EPHB6: variants seen among roughly 807,000 people sequenced by gnomAD.
The protein encoded by EPHB6 is EPH receptor B6.
EPHB6 carries 51 observed loss-of-function variants against 107.0 expected under a neutral mutation model. That is an observed-to-expected ratio of 0.48 (90% CI 0.38 to 0.60). EPHB6 has a LOEUF of 0.60. Ranked by LOEUF, EPHB6 falls within the 20% of genes least tolerant of loss-of-function variation. The pLI, the probability that EPHB6 is intolerant of heterozygous loss-of-function variation, is 0.00. For synonymous variants in EPHB6, 553 were observed against 549.0 expected, an observed-to-expected ratio of 1.01 and a Z score of -0.10; for missense variants, 1,141 against 1,355.5, an observed-to-expected ratio of 0.84 and a Z score of 2.48.
At position 142,863,808 on chromosome 7, in the gene EPHB6, C is replaced by G. The variant is rs1802973031; in HGVS notation, c.165+113C>G. 15 of 1,482,016 alleles carry G rather than the reference C, an allele frequency of 1.0e-5. 1 individual carries two copies. The East Asian group carries it at 3.4e-4, about 34-fold the overall frequency. 91.8% of individuals were successfully genotyped at this position (1,482,016 alleles called of 1,614,324 possible). A position where few individuals can be genotyped will look rare whatever the true frequency, so the allele number is the denominator to read the frequency against. On this transcript the variant is annotated intron_variant, in intron 6 of 19. Coordinates refer to ENST00000652003, the MANE Select transcript of EPHB6 (RefSeq NM_004445.6). ...GGTGAGGATTATGGGAAAAGGATCC[C>G]TCCCTCTAGAGCACCAAGATTTCAA...
In EPHB6 at chr7:142,868,273, A is replaced by C. The variant is rs2116466477; in HGVS notation, c.1951A>C (p.Thr651Pro). The change falls in exon 14 of 20, where the codon ACC becomes CCC. Residue 651 changes from threonine to proline, a missense_variant. By Grantham distance (38) the Thr-to-Pro change is conservative (BLOSUM62 -1). This residue lies in a region of EPHB6 where 616 missense variants were observed against 759.3 expected (regional missense o/e 0.81). Transcript: ENST00000652003. The surrounding 1 kb of genome is among the most constrained non-coding windows in gnomAD (Gnocchi z 4.2). ...LGVKYYIDPSTYEDPCQAIRE... is the reference protein window; with the variant it reads ...LGVKYYIDPSPYEDPCQAIRE... ...GGTGAAGTATTACATCGACCCCTCC[A>C]CCTACGAGGACCCCTGTCAGGCCAT... is the stretch of plus-strand genomic sequence containing the variant. The C allele has an allele frequency of 6.2e-7, 1 of 1,614,056 alleles. No individual in the cohort carries two copies. The highest frequency in any genetic ancestry group is 8.5e-7 in the Non-Finnish European group (1 of 1,179,994).
Position 142,866,450 on chromosome 7 carries a change from TC to T in EPHB6, c.1463-27del. 6.2e-7 allele frequency: 1 copy of T among 1,613,722 alleles called. No individual in the cohort carries two copies. The highest frequency in any genetic ancestry group is 8.5e-7 in the Non-Finnish European group (1 of 1,179,972). ...CTGATCCTGCTCCCAGGGACTCCTA[TC>T]CCCATAATAATTTTCCTTTTGCACT... On this transcript the variant is annotated intron_variant, in intron 9 of 19. Coordinates refer to ENST00000652003, the MANE Select transcript of EPHB6 (RefSeq NM_004445.6). This position sits in a 1 kb window ranked among gnomAD's most constrained non-coding sequence, Gnocchi z 5.2.
chr7:142,856,998 C>T (rs1332591633), intron 1 of EPHB6, among the ~76,000 whole-genome samples: 1 of 152,246 alleles, frequency 6.6e-6, no homozygotes. Flanking sequence ...CTTCCACAAC[C>T]TTCCACTTAC....
In EPHB6 at chr7:142,863,720, C is replaced by G. The variant is rs766128830; in HGVS notation, c.165+25C>G. On this transcript the variant is annotated intron_variant, in intron 6 of 19. Transcript: ENST00000652003. The stretch of plus-strand genomic sequence containing the variant: ...GGTGAGTGCCACTCTAATTCTGAAC[C>G]TGAATCCCTTGGCCCTGCCCCTCCC... 31 of 1,611,724 alleles carry G rather than the reference C, an allele frequency of 1.9e-5. No homozygotes were observed. The Admixed American group carries it at 5.0e-4, about 26-fold the overall frequency.
chr7:142,867,075 G>C lies in EPHB6; in HGVS notation c.1750+7G>C, dbSNP rs757169289. 6.2e-7 allele frequency: 1 copy of C among 1,611,764 alleles called. No homozygotes were observed. Among genetic ancestry groups the C allele is most frequent in the Admixed American group, 1.7e-5 (1 of 60,014 alleles). ...TTCCAGACACTTCCTCAAGGTGAGC[G>C]GGGGTCAAGGGCCAGATGGGCAGGT... On this transcript the variant is annotated splice_region_variant and intron_variant, in intron 11 of 19. Transcript: ENST00000652003. This position sits in a 1 kb window ranked among gnomAD's most constrained non-coding sequence, Gnocchi z 5.3.
Position 142,868,076 on chromosome 7 carries a change from G to A in EPHB6, c.1918+27G>A. The A allele has an allele frequency of 6.2e-7, 1 of 1,611,366 alleles. No individual in the cohort carries two copies. The highest frequency in any genetic ancestry group is 8.5e-7 in the Non-Finnish European group (1 of 1,178,826). ...TGGGGATGAGGAGAGGAAATGGGTG[G>A]GGCTGGGGAACACATGGGTGGGGCA... On this transcript the variant is annotated intron_variant, in intron 13 of 19. Coordinates refer to ENST00000652003, the MANE Select transcript of EPHB6 (RefSeq NM_004445.6). This position sits in a 1 kb window ranked among gnomAD's most constrained non-coding sequence, Gnocchi z 4.2.
rs1457014304 is a variant in EPHB6 at position 142,866,246 on chromosome 7, T to G, written c.1392T>G (p.Val464=). 1 of 1,613,996 alleles carries G rather than the reference T, an allele frequency of 6.2e-7. No homozygotes were observed. The highest frequency in any genetic ancestry group is 1.1e-5 in the South Asian group (1 of 91,072). The stretch of plus-strand genomic sequence containing the variant: ...CCTACATCTTAGAGGTGCAGGCTGT[T>G]AATGGGGTGTCTGAGCTCAGCCCTG... The part of the protein sequence containing the change: ...HVPYILEVQA[V]NGVSELSPDP... The change falls in exon 9 of 20, where the codon GTT becomes GTG. Residue 464 remains valine, a synonymous_variant. Coordinates refer to ENST00000652003, the MANE Select transcript of EPHB6 (RefSeq NM_004445.6). This position sits in a 1 kb window ranked among gnomAD's most constrained non-coding sequence, Gnocchi z 5.2.
chr7:142,866,747 G>C lies in EPHB6; in HGVS notation c.1587+142G>C. The C allele has an allele frequency of 6.3e-7, 1 of 1,580,470 alleles. No homozygotes were observed. On this transcript the variant is annotated intron_variant, in intron 10 of 19. Coordinates refer to ENST00000652003, the MANE Select transcript of EPHB6 (RefSeq NM_004445.6). The surrounding 1 kb of genome is among the most constrained non-coding windows in gnomAD (Gnocchi z 5.2). ...CAGGAGCTCACAGTCCCCACAGTAGGGGCCAGAGGCTGAATGGGCAAGGAG... is the reference window on the plus strand; with the variant it reads ...CAGGAGCTCACAGTCCCCACAGTAGCGGCCAGAGGCTGAATGGGCAAGGAG...
In EPHB6 at chr7:142,863,235, C is replaced by T; in HGVS notation, c.8C>T (p.Thr3Ile). MA[T>I]EGAAQLGNRV... ...ACGCCCTGAAGATGTCCCATGGCTA[C>T]TGAAGGGGCTGCCCAGTTAGGGAAC... The change falls in exon 5 of 20, where the codon ACT becomes ATT. Residue 3 changes from threonine to isoleucine, a missense_variant. Coordinates refer to ENST00000652003, the MANE Select transcript of EPHB6 (RefSeq NM_004445.6). The T allele has an allele frequency of 6.2e-7, 1 of 1,614,070 alleles. No individual in the cohort carries two copies. Among genetic ancestry groups the T allele is most frequent in the Non-Finnish European group, 8.5e-7 (1 of 1,180,010 alleles).
rs1407391341 is a variant in EPHB6 at position 142,869,667 on chromosome 7, AGAT to A, written c.2461-146_2461-144del. The stretch of plus-strand genomic sequence containing the variant: ...TATTGCTTCTGCTTCTGTGAAATGG[AGAT>A]GATATCATCCACCTTAGAGGGTTGT... On this transcript the variant is annotated intron_variant, in intron 16 of 19. Transcript: ENST00000652003. The surrounding 1 kb of genome is among the most constrained non-coding windows in gnomAD (Gnocchi z 4.5). The A allele has an allele frequency of 5.7e-6, 5 of 882,246 alleles. No homozygotes were observed. The highest frequency in any genetic ancestry group is 5.0e-5 in the African/African-American group (3 of 60,116). 54.7% of individuals were successfully genotyped at this position (882,246 alleles called of 1,614,324 possible).
chr7:142,864,816 C>G, intron 7 of EPHB6, 67 bp downstream of exon 7: 1 of 1,578,242 alleles, frequency 6.3e-7, no homozygotes. Context: ...GGGCTCCTCT[C>G]TGAACACCCC....
At chr7:142,862,559 T>G (rs1176593694) in intron 3 of EPHB6, among the ~76,000 whole-genome samples, 197 bp from the exon 4 acceptor site, 4 of 152,262 alleles carry the variant, frequency 2.6e-5, no homozygotes, top group African/African-American at 4.8e-5. Flanking sequence ...TTCTGGTCCC[T>G]TCCCTCCCAT....
chr7:142,864,571 G>A lies in EPHB6; in HGVS notation c.771G>A (p.Val257=), dbSNP rs1563340162. 1 of 1,613,084 alleles carries A rather than the reference G, an allele frequency of 6.2e-7. No homozygotes were observed. Among genetic ancestry groups the A allele is most frequent in the East Asian group, 2.2e-5 (1 of 44,858 alleles). ...QASGAGGASL[V]AAVGTCVAHA... ...GTGGGGCTGGGGGGGCCTCCCTGGT[G>A]GCAGCTGTGGGCACCTGTGTGGCTC... The change falls in exon 7 of 20, where the codon GTG becomes GTA. Residue 257 remains valine, a synonymous_variant. Coordinates refer to ENST00000652003, the MANE Select transcript of EPHB6 (RefSeq NM_004445.6).
rs1301942241 is a variant in EPHB6 at position 142,867,776 on chromosome 7, A to G, written c.1865+54A>G. ...CCAGCACCATTAACTCCACAGCCAA[A>G]CCTCAAGTCCTGCCAAGTCTGGAGC... On this transcript the variant is annotated intron_variant, in intron 12 of 19. Transcript: ENST00000652003. This position sits in a 1 kb window ranked among gnomAD's most constrained non-coding sequence, Gnocchi z 5.3. 20 of 1,531,300 alleles carry G rather than the reference A, an allele frequency of 1.3e-5. No individual in the cohort carries two copies. The highest frequency in any genetic ancestry group is 1.8e-5 in the Non-Finnish European group (20 of 1,126,604). The allele number at this position is 1,531,300 out of a possible 1,614,324, so 94.9% of individuals were successfully genotyped here.
Position 142,866,253 on chromosome 7 carries a change from G to T in EPHB6, c.1399G>T (p.Val467Leu). The change falls in exon 9 of 20, where the codon GTG becomes TTG. Residue 467 changes from valine to leucine, a missense_variant. Coordinates refer to ENST00000652003, the MANE Select transcript of EPHB6 (RefSeq NM_004445.6). The surrounding 1 kb of genome is among the most constrained non-coding windows in gnomAD (Gnocchi z 5.2). ...CTTAGAGGTGCAGGCTGTTAATGGGGTGTCTGAGCTCAGCCCTGACCCTCC... is the reference window on the plus strand; with the variant it reads ...CTTAGAGGTGCAGGCTGTTAATGGGTTGTCTGAGCTCAGCCCTGACCCTCC... ...YILEVQAVNG[V>L]SELSPDPPQA... 2.5e-6 allele frequency: 4 copies of T among 1,614,038 alleles called. No individual in the cohort carries two copies. Among genetic ancestry groups the T allele is most frequent in the Non-Finnish European group, 3.4e-6 (4 of 1,180,000 alleles).
intron 6 of EPHB6, 109 bp downstream of exon 6, chr7:142,863,804 A>G (rs1352932481): frequency 6.7e-7 from 1 of 1,486,508 alleles, no homozygotes; most frequent in Non-Finnish European, 9.4e-7. Context: ...TGGGAAAAGG[A>G]TCCCTCCCTC....
chr7:142,869,857 T>C lies in EPHB6; in HGVS notation c.2501T>C (p.Ile834Thr). The change falls in exon 17 of 20, where the codon ATT becomes ACT. Residue 834 changes from isoleucine (I) to threonine (T), a missense_variant. By Grantham distance (89) the Ile-to-Thr change is moderately conservative (BLOSUM62 -1). Coordinates refer to ENST00000652003, the MANE Select transcript of EPHB6 (RefSeq NM_004445.6). This position sits in a 1 kb window ranked among gnomAD's most constrained non-coding sequence, Gnocchi z 4.5. ...CLLRWAAPEVIAHGKHTTSSD... is the reference protein window; with the variant it reads ...CLLRWAAPEVTAHGKHTTSSD... ...CTTCGCTGGGCAGCCCCAGAGGTCA[T>C]TGCACATGGAAAGCATACAACATCC... The C allele has an allele frequency of 1.2e-6, 2 of 1,614,200 alleles. No homozygotes were observed. Among genetic ancestry groups the C allele is most frequent in the South Asian group, 1.1e-5 (1 of 91,088 alleles).
Position 142,868,865 on chromosome 7 carries a change from T to C in EPHB6, c.2287-109T>C. 14 of 1,594,300 alleles carry C rather than the reference T, an allele frequency of 8.8e-6. No individual in the cohort carries two copies. The highest frequency in any genetic ancestry group is 1.1e-5 in the Non-Finnish European group (13 of 1,172,212). On this transcript the variant is annotated intron_variant, in intron 15 of 19. Transcript: ENST00000652003. The surrounding 1 kb of genome is among the most constrained non-coding windows in gnomAD (Gnocchi z 4.2). Reference sequence around the variant, plus strand: ...GTCTCCGTCCTTCCTTCCCAGCCATTTTCTGATTCGACACCCTCCCGCTCT... The same window carrying C: ...GTCTCCGTCCTTCCTTCCCAGCCATCTTCTGATTCGACACCCTCCCGCTCT...
Position 142,864,098 on chromosome 7 carries a change from GC to G in EPHB6, c.301del (p.Gln101ArgfsTer19). ...GACACACTTTGTGGAGCGGCGCGGG[GC>G]CCAGAGGGCGCACATTCGACTCCAC... ...LQTHFVERRG[A>X]QRAHIRLHFS... On this transcript the variant is annotated frameshift_variant, in exon 7 of 20. Coordinates refer to ENST00000652003, the MANE Select transcript of EPHB6 (RefSeq NM_004445.6). LOFTEE classifies it high-confidence loss of function. The G allele has an allele frequency of 6.2e-7, 1 of 1,614,010 alleles. No homozygotes were observed. Among genetic ancestry groups the G allele is most frequent in the Non-Finnish European group, 8.5e-7 (1 of 1,180,044 alleles).
Sources: gnomAD v4.1 joint callset for allele counts (sites outside exome capture counted in the v4.1 genomes callset) on GRCh38, gnomAD v4.1.1 for gene constraint, gnomAD v4.1.1 regional missense constraint, Gnocchi (gnomAD v3.1) non-coding constraint, MANE v1.5 for transcripts, NCBI Gene and HGNC (gene_info 2026-07-23, HGNC 2026-07-21) for gene names.